The following PTK7 variants were observed in gnomAD, a reference collection of about 807,000 sequenced individuals.
The protein encoded by PTK7 is protein tyrosine kinase 7 (inactive).
A neutral mutation model predicts 116.6 loss-of-function variants in PTK7; 39 were observed. The observed-to-expected ratio is 0.33, with a 90% CI of 0.26 to 0.44. The LOEUF (loss-of-function observed/expected upper bound fraction) is 0.44. Among genes scored for constraint, PTK7 ranks in the 20% least tolerant of loss-of-function variants. The pLI, the probability that PTK7 is intolerant of heterozygous loss-of-function variation, is 1.00. For synonymous variants in PTK7, 546 were observed against 563.6 expected (o/e 0.97, Z 0.44); for missense variants, 1,169 against 1,425.6 (o/e 0.82, Z 2.90).
chr6:43,116,603 TTTGTGTGTG>T (rs1295416235), intron 1 of PTK7, among the ~76,000 whole-genome samples: 88 of 126,248 alleles, frequency 7.0e-4, no homozygotes, highest in African/African-American at 2.7e-3. Flanking sequence ...GAAAAGCTGG[TTTGTGTGTG>T]TGTGTGTGTG....
chr6:43,096,444 A>G (rs970147166), intron 1 of PTK7, among the ~76,000 whole-genome samples: 20 of 139,650 alleles, frequency 1.4e-4, no homozygotes, highest in African/African-American at 5.2e-4. Context: ...ACCTGGCCTC[A>G]GGTGAAGGGG....
In PTK7 at chr6:43,129,359, C is replaced by T; in HGVS notation, c.367+95C>T. 1 of 1,437,202 alleles carries T rather than the reference C, an allele frequency of 7.0e-7. No homozygotes were observed. Among genetic ancestry groups the T allele is most frequent in the South Asian group, 1.3e-5 (1 of 78,776 alleles). The allele number at this position is 1,437,202 out of a possible 1,614,324, so 89.0% of individuals were successfully genotyped here. A position where few individuals can be genotyped will look rare whatever the true frequency, so the allele number is the denominator to read the frequency against. ...CCCTTACCTCAGCTTCTCCCATTTCCAGTTAAACGGGCCAGGCAGAATGCA... is the reference window on the plus strand; with the variant it reads ...CCCTTACCTCAGCTTCTCCCATTTCTAGTTAAACGGGCCAGGCAGAATGCA... On this transcript the variant is annotated intron_variant, in intron 2 of 19. Transcript: ENST00000230419. The surrounding 1 kb of genome is among the most constrained non-coding windows in gnomAD (Gnocchi z 4.5).
In PTK7 at chr6:43,161,363, AGG is replaced by A. The variant is rs1293911790; in HGVS notation, c.*483_*484del. On this transcript the variant is annotated 3_prime_UTR_variant, in exon 20 of 20. Coordinates refer to ENST00000230419, the MANE Select transcript of PTK7 (RefSeq NM_002821.5). The stretch of plus-strand genomic sequence containing the variant: ...TTGGGGGTCTAGACCAGGATTATAG[AGG>A]ACACAGCAAGTGAGTCCTCCCCACT... 1.9e-5 allele frequency: 3 copies of A among 161,848 alleles called. No homozygotes were observed. The highest frequency in any genetic ancestry group is 1.7e-4 in the Admixed American group (3 of 17,218). The allele number at this position is 161,848 out of a possible 1,614,324, so 10.0% of individuals were successfully genotyped here.
chr6:43,092,141 G>A (rs188413848), intron 1 of PTK7, among the ~76,000 whole-genome samples: 37 of 152,262 alleles, frequency 2.4e-4, no homozygotes, highest in Non-Finnish European at 4.4e-4. Flanking sequence ...GATTACAGGC[G>A]TGAGCCTCTG....
At chr6:43,099,924 G>C (rs1221927331) in intron 1 of PTK7, among the ~76,000 whole-genome samples, 3 of 151,962 alleles carry the variant, frequency 2.0e-5, no homozygotes, top group Non-Finnish European at 2.9e-5. Context: ...TTTCACTCTT[G>C]TTGCCCAGGC....
intron 17 of PTK7, among the ~76,000 whole-genome samples, chr6:43,151,368 C>A: frequency 6.7e-6 from 1 of 148,632 alleles, no homozygotes; most frequent in East Asian, 2.0e-4. Context: ...CCCACTACCA[C>A]GCCCGGCCAA....
chr6:43,107,381 C>T (rs1767955507), intron 1 of PTK7, among the ~76,000 whole-genome samples: 1 of 152,196 alleles, frequency 6.6e-6, no homozygotes, highest in Non-Finnish European at 1.5e-5. Context: ...GCATCTGTTA[C>T]TCATCAGCTG....
At chr6:43,152,791 T>TATGTTATGTA (rs1554161454) in intron 17 of PTK7, among the ~76,000 whole-genome samples, 2 of 140,958 alleles carry the variant, frequency 1.4e-5, no homozygotes, top group East Asian at 2.2e-4. Context: ...TATGTTATGT[T>TATGTTATGTA]ATGTATTCTT....
intron 15 of PTK7, chr6:43,144,846 T>C (rs1367590394): frequency 7.4e-5 from 32 of 434,522 alleles, no homozygotes; most frequent in East Asian, 3.4e-5. Context: ...TTATTTAAAT[T>C]GACTCTTTAA....
At chr6:43,146,524 C>T in intron 16 of PTK7, 94 bp from the exon 17 acceptor site, 1 of 1,223,818 alleles carries the variant, frequency 8.2e-7, no homozygotes. Context: ...CACTGCCTCC[C>T]CAGGCAGGAA....
In PTK7 at chr6:43,139,212, G is replaced by A. The variant is rs144938642; in HGVS notation, c.1439G>A (p.Arg480His). The stretch of plus-strand genomic sequence containing the variant: ...GAGGTGTATGATGGGACATGGTACC[G>A]TTGTATGAGCAGCACCCCAGCCGGC... ...SVEVYDGTWYRCMSSTPAGSI... is the reference protein window; with the variant it reads ...SVEVYDGTWYHCMSSTPAGSI... Residue 480 changes from arginine to histidine, a missense_variant, in exon 9 of 20, where the codon CGT becomes CAT. Coordinates refer to ENST00000230419, the MANE Select transcript of PTK7 (RefSeq NM_002821.5). The surrounding 1 kb of genome is among the most constrained non-coding windows in gnomAD (Gnocchi z 4.6). The A allele has an allele frequency of 8.7e-6, 14 of 1,614,104 alleles. No homozygotes were observed. Among genetic ancestry groups the A allele is most frequent in the African/African-American group, 2.7e-5 (2 of 74,936 alleles).
chr6:43,116,604 TTGTGTGTGTGTGTGTGTGTGTG>T (rs751605217), intron 1 of PTK7, among the ~76,000 whole-genome samples: 8 of 119,162 alleles, frequency 6.7e-5, no homozygotes, highest in South Asian at 2.9e-4. Context: ...AAAAGCTGGT[TTGTGTGTGTGTGTGTGTGTGTG>T]TGTGTGTGTG....
chr6:43,133,946 T>C (rs1769869345), intron 7 of PTK7, among the ~76,000 whole-genome samples: 1 of 152,218 alleles, frequency 6.6e-6, no homozygotes, highest in Admixed American at 6.5e-5. Flanking sequence ...TAACGAGTGC[T>C]CAGGACACTC....
At chr6:43,155,138 C>G (rs1771347830) in intron 17 of PTK7, among the ~76,000 whole-genome samples, 1 of 152,146 alleles carries the variant, frequency 6.6e-6, no homozygotes, top group African/African-American at 2.4e-5. Flanking sequence ...TTTGGCCAGC[C>G]CTGTTATATT....
intron 1 of PTK7, among the ~76,000 whole-genome samples, chr6:43,099,112 AAAAAAAAAAGG>A (rs1260153083): frequency 6.7e-6 from 1 of 148,928 alleles, no homozygotes; most frequent in East Asian, 1.9e-4. Flanking sequence ...TCCAGTACTT[AAAAAAAAAAGG>A]AAAAAAAATG....
intron 1 of PTK7, among the ~76,000 whole-genome samples, chr6:43,077,928 T>C (rs1766148002): frequency 6.6e-6 from 1 of 152,176 alleles, no homozygotes; most frequent in Admixed American, 6.5e-5. Flanking sequence ...TTTCTTGTGA[T>C]GTGTGTGGTG....
At position 43,130,495 on chromosome 6, in the gene PTK7, A is replaced by G. The variant is rs1393576682; in HGVS notation, c.662-16A>G. 3 of 1,612,714 alleles carry G rather than the reference A, an allele frequency of 1.9e-6. No individual in the cohort carries two copies. The highest frequency in any genetic ancestry group is 1.7e-6 in the Non-Finnish European group (2 of 1,179,178). On this transcript the variant is annotated splice_polypyrimidine_tract_variant and intron_variant, in intron 4 of 19. Transcript: ENST00000230419. ...CACCACCCAGGCTGCATGCTCCCCC[A>G]TCTTTCCCTCTCCAGATGAAAGCTT...
Position 43,076,353 on chromosome 6 carries a change from G to C in PTK7, c.-136G>C. The C allele has an allele frequency of 2.1e-6, 1 of 465,440 alleles. No homozygotes were observed. Among genetic ancestry groups the C allele is most frequent in the Non-Finnish European group, 3.2e-6 (1 of 316,660 alleles). 28.8% of individuals were successfully genotyped at this position (465,440 alleles called of 1,614,324 possible). A position where few individuals can be genotyped will look rare whatever the true frequency, so the allele number is the denominator to read the frequency against. ...GCTCCGGCTCGGGACGCCTCGGGAC[G>C]CCTCGGGGTCGGGCTCCGGCTGCGG... On this transcript the variant is annotated 5_prime_UTR_variant, in exon 1 of 20. Coordinates refer to ENST00000230419, the MANE Select transcript of PTK7 (RefSeq NM_002821.5). The surrounding 1 kb of genome is among the most constrained non-coding windows in gnomAD (Gnocchi z 5.7).
intron 1 of PTK7, among the ~76,000 whole-genome samples, chr6:43,121,991 A>G (rs1159443647): frequency 6.6e-6 from 1 of 152,088 alleles, no homozygotes; most frequent in African/African-American, 2.4e-5. Flanking sequence ...ACAATTTGAA[A>G]ATTAGCTGGG....
Sources: gnomAD v4.1 joint callset for allele counts (sites outside exome capture counted in the v4.1 genomes callset) on GRCh38, gnomAD v4.1.1 for gene constraint, Gnocchi (gnomAD v3.1) non-coding constraint, MANE v1.5 for transcripts, NCBI Gene and HGNC (gene_info 2026-07-23, HGNC 2026-07-21) for gene names.